GFRA1: variants seen among roughly 807,000 people sequenced by gnomAD.
GFRA1 encodes GDNF family receptor alpha-1.
Under a neutral mutation model 51.6 loss-of-function variants are expected in GFRA1, and 16 were observed. The ratio of observed to expected loss-of-function variants is 0.31; its 90% CI spans 0.21 to 0.47. The LOEUF is 0.47. Ranked by LOEUF, GFRA1 falls within the 20% of genes least tolerant of loss-of-function variation. GFRA1 has a pLI of 1.00. For missense variants in GFRA1, 530 were observed against 594.3 expected, an observed-to-expected ratio of 0.89 and a Z score of 1.13; for synonymous variants, 270 against 241.3, an observed-to-expected ratio of 1.12 and a Z score of -1.10.
chr10:116,165,773 T>C (rs1400121636), intron 5 of GFRA1, among the ~76,000 whole-genome samples: 3 of 152,024 alleles, frequency 2.0e-5, no homozygotes, highest in Admixed American at 6.6e-5. Flanking sequence ...AAATAGGACC[T>C]TGTGGCGATT....
At chr10:116,119,155 T>C (rs1957547123) in intron 6 of GFRA1, among the ~76,000 whole-genome samples, 1 of 152,092 alleles carries the variant, frequency 6.6e-6, no homozygotes, top group Admixed American at 6.6e-5. Context: ...GAAGGGGCAC[T>C]CTGGAAGAGC....
At position 116,061,259 on chromosome 10, in the gene GFRA1, A is replaced by AAAG. The variant is rs1954801674; in HGVS notation, c.*3136_*3138dup. The AAAG allele has an allele frequency of 6.6e-6, 1 of 151,984 alleles. No homozygotes were observed. Among genetic ancestry groups the AAAG allele is most frequent in the African/African-American group, 2.4e-5 (1 of 41,320 alleles). 9.4% of individuals were successfully genotyped at this position (151,984 alleles called of 1,614,324 possible). A position where few individuals can be genotyped will look rare whatever the true frequency, so the allele number is the denominator to read the frequency against. ...ACAAAAGTCTGTTAAAAAAAAAAAA[A>AAAG]AAGAAATGGAAACCACACTCCTATC... is the stretch of plus-strand genomic sequence containing the variant. On this transcript the variant is annotated 3_prime_UTR_variant, in exon 11 of 11. Coordinates refer to ENST00000355422, the MANE Select transcript of GFRA1 (RefSeq NM_005264.8).
chr10:116,134,911 A>T (rs772584797), intron 5 of GFRA1, among the ~76,000 whole-genome samples: 15 of 152,228 alleles, frequency 9.9e-5, no homozygotes, highest in Non-Finnish European at 1.8e-4. Flanking sequence ...TGTGCAAGTC[A>T]CATGCTTGCT....
intron 6 of GFRA1, among the ~76,000 whole-genome samples, chr10:116,124,578 G>T (rs1452608116): frequency 6.6e-6 from 1 of 152,148 alleles, no homozygotes; most frequent in Non-Finnish European, 1.5e-5. Context: ...GACTCCTTCA[G>T]ATATCAAAGT....
intron 5 of GFRA1, among the ~76,000 whole-genome samples, chr10:116,161,998 C>T (rs977962902): frequency 1.3e-5 from 2 of 152,192 alleles, no homozygotes; most frequent in Non-Finnish European, 2.9e-5. Context: ...GATAATAACC[C>T]CCTTGCTGAG....
intron 5 of GFRA1, among the ~76,000 whole-genome samples, chr10:116,161,189 A>C (rs559769098): frequency 3.9e-5 from 6 of 152,214 alleles, no homozygotes; most frequent in Admixed American, 6.5e-5. Context: ...ATCTTGAAGC[A>C]CAGTCTGGGA....
At position 116,217,294 on chromosome 10, in the gene GFRA1, G is replaced by T. The variant is rs537225502; in HGVS notation, c.419-5649C>A. On this transcript the variant is annotated intron_variant, in intron 4 of 10. Transcript: ENST00000355422. The stretch of plus-strand genomic sequence containing the variant: ...CGGAGTAATCACTCAACATATTGTA[G>T]CTTACATTCCTATCTATAAAATGGC... Among the ~76,000 whole-genome samples, 3 of 152,304 alleles carry T rather than the reference G, an allele frequency of 2.0e-5. No individual in the cohort carries two copies. The East Asian group carries it at 5.8e-4, about 29-fold the overall frequency.
chr10:116,246,602 A>G (rs1444245008), intron 4 of GFRA1, among the ~76,000 whole-genome samples: 5 of 152,240 alleles, frequency 3.3e-5, no homozygotes. Flanking sequence ...TAGACACTGA[A>G]CGGACTATTA....
intron 5 of GFRA1, among the ~76,000 whole-genome samples, chr10:116,130,083 TA>T (rs371902019): frequency 0.041 from 5,623 of 136,890 alleles, 286 homozygotes; most frequent in African/African-American, 0.12. Flanking sequence ...GATCAATGAA[TA>T]AAAAAAAAAA....
intron 5 of GFRA1, among the ~76,000 whole-genome samples, chr10:116,149,114 C>T (rs919156497): frequency 4.6e-5 from 7 of 152,120 alleles, no homozygotes; most frequent in Non-Finnish European, 7.3e-5. Flanking sequence ...TTAAAATATG[C>T]TTCCAGGATG....
At chr10:116,081,091 G>A (rs1451772751) in intron 9 of GFRA1, among the ~76,000 whole-genome samples, 2 of 152,180 alleles carry the variant, frequency 1.3e-5, no homozygotes, top group African/African-American at 2.4e-5. Context: ...CTTAGGTCTT[G>A]TAGCACTTTC....
chr10:116,152,579 C>G (rs1016937675), intron 5 of GFRA1, among the ~76,000 whole-genome samples: 1 of 152,164 alleles, frequency 6.6e-6, no homozygotes, highest in Admixed American at 6.5e-5. Flanking sequence ...AAACCATTCA[C>G]GAGGGATCTG....
intron 5 of GFRA1, among the ~76,000 whole-genome samples, chr10:116,148,969 A>G (rs1418543438): frequency 2.6e-5 from 4 of 152,206 alleles, no homozygotes; most frequent in African/African-American, 9.6e-5. Flanking sequence ...ACAAGAGCAC[A>G]CTGGGTCTAA....
chr10:116,248,753 T>C (rs561311775), intron 4 of GFRA1, among the ~76,000 whole-genome samples: 1 of 152,036 alleles, frequency 6.6e-6, no homozygotes, highest in South Asian at 2.1e-4. Flanking sequence ...GAGCATGGGG[T>C]CTGTTTGAAA....
intron 4 of GFRA1, among the ~76,000 whole-genome samples, chr10:116,262,726 CA>C (rs1161317561): frequency 2.0e-5 from 3 of 152,006 alleles, no homozygotes; most frequent in Non-Finnish European, 4.4e-5. Context: ...GAATAAAAAC[CA>C]AAAGTAGTGG....
chr10:116,146,312 T>C (rs1958799387), intron 5 of GFRA1, among the ~76,000 whole-genome samples: 2 of 152,238 alleles, frequency 1.3e-5, no homozygotes, highest in South Asian at 4.1e-4. Flanking sequence ...GATGTGTTTA[T>C]AATTGTATAT....
At chr10:116,255,604 C>T in intron 4 of GFRA1, 1 of 1,289,040 alleles carries the variant, frequency 7.8e-7, no homozygotes, top group Non-Finnish European at 1.0e-6. Context: ...GGTACACGCC[C>T]TTTCCTTTTC....
At position 116,128,725 on chromosome 10, in the gene GFRA1, C is replaced by CAAAA. The variant is rs67642059; in HGVS notation, c.434-3172_434-3169dup. ...TGGGGGACTGAGTGAGACTCTGTCTCAAAAAAAAAAAAAAAAAAAAAAAAA... is the reference window on the plus strand; with the variant it reads ...TGGGGGACTGAGTGAGACTCTGTCTCAAAAAAAAAAAAAAAAAAAAAAAAAAAAA... On this transcript the variant is annotated intron_variant, in intron 5 of 10. Transcript: ENST00000355422. 2.9e-3 allele frequency among the ~76,000 whole-genome samples: 255 copies of CAAAA among 87,796 alleles called. 10 individuals carry two copies. Among genetic ancestry groups the CAAAA allele is most frequent in the African/African-American group, 0.011 (249 of 22,556 alleles). 57.6% of individuals were successfully genotyped at this position (87,796 alleles called of 152,430 possible).
chr10:116,260,601 A>G (rs919750272), intron 4 of GFRA1, among the ~76,000 whole-genome samples: 4 of 152,064 alleles, frequency 2.6e-5, no homozygotes, highest in African/African-American at 9.7e-5. Context: ...CATATACCCC[A>G]CAGCCCTGTC....
Sources: allele counts gnomAD v4.1 joint callset (sites outside exome capture counted in the v4.1 genomes callset), GRCh38; gene constraint gnomAD v4.1.1; transcripts MANE v1.5; gene names NCBI Gene and HGNC (gene_info 2026-07-23, HGNC 2026-07-21).